RAD51C: variants seen among roughly 807,000 people sequenced by gnomAD.
RAD51C encodes DNA repair protein RAD51 homolog 3.
A neutral mutation model predicts 45.0 loss-of-function variants in RAD51C; 42 were observed. The observed-to-expected ratio is 0.93, with a 90% CI of 0.73 to 1.21. RAD51C has a LOEUF of 1.21. Among genes scored for constraint, RAD51C ranks in the 50% most tolerant of loss-of-function variants. The pLI is 0.00. For synonymous variants in RAD51C, 172 were observed against 159.8 expected (o/e 1.08, Z -0.58); for missense variants, 474 against 452.2 (o/e 1.05, Z -0.44).
chr17:58,720,879 C>T (rs2048896974), intron 6 of RAD51C, 67 bp downstream of exon 6: 4 of 1,304,466 alleles, frequency 3.1e-6, no homozygotes, highest in Admixed American at 1.7e-5. Context: ...ATTTGATTCT[C>T]ATTGAGTACT....
chr17:58,702,410 C>G (rs981052519), intron 3 of RAD51C, among the ~76,000 whole-genome samples: 1 of 151,896 alleles, frequency 6.6e-6, no homozygotes, highest in South Asian at 2.1e-4. Context: ...TAGATCAGGT[C>G]GGGTGTGGTG....
At chr17:58,723,704 CAA>C (rs879528364) in intron 6 of RAD51C, among the ~76,000 whole-genome samples, 19 of 133,086 alleles carry the variant, frequency 1.4e-4, no homozygotes, top group Admixed American at 1.5e-4. Flanking sequence ...CTGTTGATGT[CAA>C]AAAAAAAAAA....
At chr17:58,715,147 A>G (rs2143888116) in intron 5 of RAD51C, among the ~76,000 whole-genome samples, 1 of 152,002 alleles carries the variant, frequency 6.6e-6, no homozygotes, top group African/African-American at 2.4e-5. Flanking sequence ...AAAAAAACAA[A>G]AAAAAACAAA....
chr17:58,695,046 A>G lies in RAD51C; in HGVS notation c.261A>G (p.Ala87=), dbSNP rs2143722092. 6.2e-7 allele frequency: 1 copy of G among 1,614,116 alleles called. No individual in the cohort carries two copies. The highest frequency in any genetic ancestry group is 8.5e-7 in the Non-Finnish European group (1 of 1,179,968). The change falls in exon 2 of 9, where the codon GCA becomes GCG. Residue 87 remains alanine, a synonymous_variant. Transcript: ENST00000337432. ...GTSESHKKCT[A]LELLEQEHTQ... is the part of the protein sequence containing the mutation. ...CTGAGTCACACAAGAAGTGTACAGC[A>G]CTGGAACTTCTTGAGCAGGAGCATA...
Position 58,732,540 on chromosome 17 carries a change from T to C in RAD51C, c.1022T>C (p.Ile341Thr). The stretch of plus-strand genomic sequence containing the variant: ...AAGGAATGCACAGTACTGTTTCAAA[T>C]CAAAGTCAGTATTATTTGATTAGAG... The part of the protein sequence containing the change: ...SQKECTVLFQ[I>T]KPQGFRDTVV... The change falls in exon 8 of 9, where the codon ATC becomes ACC. Residue 341 changes from isoleucine to threonine, a missense_variant. Ile to Thr is a moderately conservative substitution (Grantham distance 89). Transcript: ENST00000337432. 6.2e-7 allele frequency: 1 copy of C among 1,611,748 alleles called. No homozygotes were observed. Among genetic ancestry groups the C allele is most frequent in the South Asian group, 1.1e-5 (1 of 91,032 alleles).
chr17:58,694,855 A>G (rs777942017), intron 1 of RAD51C, 76 bp from the exon 2 acceptor site: 66 of 1,304,088 alleles, frequency 5.1e-5, no homozygotes, highest in Non-Finnish European at 7.1e-5. Context: ...CTACAAATTA[A>G]TAAAGACAAT....
At chr17:58,695,470 T>C in intron 2 of RAD51C, 1 of 745,498 alleles carries the variant, frequency 1.3e-6, no homozygotes, top group Non-Finnish European at 1.8e-6. Context: ...CCTGAGACTA[T>C]ATTTGAAAGT....
At chr17:58,728,628 A>G (rs2049270542) in intron 7 of RAD51C, among the ~76,000 whole-genome samples, 1 of 151,748 alleles carries the variant, frequency 6.6e-6, no homozygotes, top group Admixed American at 6.6e-5. Flanking sequence ...GAACTCCTAA[A>G]CTCAGTCAGT....
At chr17:58,724,567 T>A (rs910288657) in intron 7 of RAD51C, among the ~76,000 whole-genome samples, 2 of 152,068 alleles carry the variant, frequency 1.3e-5, no homozygotes, top group African/African-American at 4.8e-5. Context: ...TGTGTCTGTT[T>A]TTTTTTTTAT....
In RAD51C at chr17:58,704,444, T is replaced by C. The variant is rs537377043; in HGVS notation, c.705+1115T>C. Among the ~76,000 whole-genome samples, 3 of 152,004 alleles carry C rather than the reference T, an allele frequency of 2.0e-5. No individual in the cohort carries two copies. The East Asian group carries it at 5.8e-4, about 29-fold the overall frequency. ...TGCGCCACAACGCCTGGCTAATTTT[T>C]TTTTTTTTTTATATTTTTGGTAGAA... On this transcript the variant is annotated intron_variant, in intron 4 of 8. Transcript: ENST00000337432.
At chr17:58,700,950 G>A (rs572891084) in intron 3 of RAD51C, among the ~76,000 whole-genome samples, 50 of 152,176 alleles carry the variant, frequency 3.3e-4, no homozygotes, top group Non-Finnish European at 4.9e-4. Context: ...AGGCCGGATT[G>A]CAGTGGCATG....
intron 3 of RAD51C, 95 bp from the exon 4 acceptor site, chr17:58,703,101 A>G (rs527864374): frequency 7.3e-7 from 1 of 1,368,606 alleles, no homozygotes; most frequent in Non-Finnish European, 1.0e-6. Flanking sequence ...TTGTTATCCA[A>G]AGGAGAACAT....
chr17:58,699,175 T>G (rs1426350418), intron 3 of RAD51C, among the ~76,000 whole-genome samples: 1 of 151,624 alleles, frequency 6.6e-6, no homozygotes, highest in Admixed American at 6.6e-5. Flanking sequence ...CCCGGCTAAT[T>G]TTTTGTTTTT....
intron 3 of RAD51C, 33 bp from the exon 4 acceptor site, chr17:58,703,163 G>A (rs2143795691): frequency 1.2e-6 from 2 of 1,604,474 alleles, no homozygotes; most frequent in Non-Finnish European, 1.7e-6. Context: ...ATCCAAACAG[G>A]TAAAACTAAT....
chr17:58,701,135 A>C (rs1391123390), intron 3 of RAD51C, among the ~76,000 whole-genome samples: 1 of 151,860 alleles, frequency 6.6e-6, no homozygotes, highest in Non-Finnish European at 1.5e-5. Flanking sequence ...TCACGGGCTC[A>C]AGAGATCTGC....
chr17:58,695,411 A>G (rs1397566945), intron 2 of RAD51C: 7 of 1,238,538 alleles, frequency 5.7e-6, no homozygotes, highest in Non-Finnish European at 7.4e-6. Flanking sequence ...TCTTTTGCAA[A>G]TTGTACTGCA....
intron 7 of RAD51C, 102 bp downstream of exon 7, chr17:58,724,202 T>C (rs1352443498): frequency 8.7e-7 from 1 of 1,155,928 alleles, no homozygotes; most frequent in African/African-American, 1.5e-5. Flanking sequence ...AGATATACAG[T>C]GACCCATGAA....
At chr17:58,695,247 A>G (rs2047963723) in intron 2 of RAD51C, 58 bp downstream of exon 2, 1 of 1,540,348 alleles carries the variant, frequency 6.5e-7, no homozygotes, top group East Asian at 2.3e-5. Flanking sequence ...TGAAAGTAGT[A>G]TTTTGTACTA....
At chr17:58,717,172 C>T (rs1233166510) in intron 5 of RAD51C, among the ~76,000 whole-genome samples, 1 of 152,006 alleles carries the variant, frequency 6.6e-6, no homozygotes. Flanking sequence ...TTTGGGAGGC[C>T]AAGGTGGGAG....
Sources: allele counts gnomAD v4.1 joint callset (sites outside exome capture counted in the v4.1 genomes callset), GRCh38; gene constraint gnomAD v4.1.1; transcripts MANE v1.5; gene names NCBI Gene and HGNC (gene_info 2026-07-23, HGNC 2026-07-21).